Variants in PALM2AKAP2 observed in about 807,000 individuals in gnomAD.
The protein encoded by PALM2AKAP2 is PALM2 and AKAP2 fusion.
Under a neutral mutation model 71.5 loss-of-function variants are expected in PALM2AKAP2, and 37 were observed. The ratio of observed to expected loss-of-function variants is 0.52; its 90% CI spans 0.40 to 0.68. The LOEUF (loss-of-function observed/expected upper bound fraction) is 0.68. Among genes scored for constraint, PALM2AKAP2 ranks in the 30% least tolerant of loss-of-function variants. PALM2AKAP2 has a pLI of 0.00. For synonymous variants in PALM2AKAP2, 468 were observed against 478.8 expected (o/e 0.98, Z 0.29); for missense variants, 1,224 against 1,191.8 (o/e 1.03, Z -0.40).
chr9:109,870,033 G>T (rs1829563968), intron 2 of PALM2AKAP2, among the ~76,000 whole-genome samples: 1 of 152,148 alleles, frequency 6.6e-6, no homozygotes, highest in Admixed American at 6.5e-5. Flanking sequence ...GGTGGCAGTG[G>T]TTGTCTAGTA....
chr9:109,850,502 C>G (rs1077761), intron 1 of PALM2AKAP2, among the ~76,000 whole-genome samples: 59,382 of 151,790 alleles, frequency 0.39, 11,958 homozygotes, highest in Non-Finnish European at 0.43. Context: ...TAGTGTAATC[C>G]TAAGAGAAGG....
chr9:109,821,490 A>G (rs142580815), intron 1 of PALM2AKAP2, among the ~76,000 whole-genome samples: 1 of 152,218 alleles, frequency 6.6e-6, no homozygotes, highest in South Asian at 2.1e-4. Flanking sequence ...AGAATCCCTC[A>G]GAGTCCATGG....
intron 1 of PALM2AKAP2, among the ~76,000 whole-genome samples, chr9:110,118,776 A>C (rs1275114080): frequency 6.6e-6 from 1 of 152,200 alleles, no homozygotes; most frequent in Non-Finnish European, 1.5e-5. Flanking sequence ...TCCCTTCCCC[A>C]TTCCAGAGAA....
chr9:109,989,588 T>C (rs1391042436), intron 6 of PALM2AKAP2, among the ~76,000 whole-genome samples: 1 of 152,218 alleles, frequency 6.6e-6, no homozygotes, highest in African/African-American at 2.4e-5. Flanking sequence ...TATTTGTTAC[T>C]CCAAATAGGT....
intron 1 of PALM2AKAP2, among the ~76,000 whole-genome samples, chr9:110,074,773 C>G (rs996781761): frequency 6.6e-5 from 10 of 152,094 alleles, no homozygotes; most frequent in African/African-American, 2.2e-4. Context: ...GAGGCTGAGG[C>G]AGGTGGATCA....
intron 6 of PALM2AKAP2, among the ~76,000 whole-genome samples, chr9:109,984,553 A>G (rs936525766): frequency 5.9e-5 from 9 of 152,044 alleles, no homozygotes; most frequent in African/African-American, 1.7e-4. Flanking sequence ...ATAGATAAAT[A>G]AACAAAATTT....
intron 1 of PALM2AKAP2, among the ~76,000 whole-genome samples, chr9:110,089,702 C>T (rs749728386): frequency 9.2e-5 from 14 of 152,208 alleles, no homozygotes; most frequent in Non-Finnish European, 1.6e-4. Context: ...AGATGCTCAT[C>T]CCTTTTTGCA....
At chr9:109,964,561 T>C (rs375427020) in intron 6 of PALM2AKAP2, among the ~76,000 whole-genome samples, 263 of 152,322 alleles carry the variant, frequency 1.7e-3, no homozygotes, top group African/African-American at 6.1e-3. Context: ...GTGACTTTCT[T>C]GGTTTTTGCT....
intron 3 of PALM2AKAP2, among the ~76,000 whole-genome samples, chr9:109,917,962 G>A (rs1194962171): frequency 6.6e-6 from 1 of 152,202 alleles, no homozygotes; most frequent in African/African-American, 2.4e-5. Context: ...GATTCTGTTA[G>A]TTTGGAAGAG....
At chr9:110,010,513 A>G (rs1402972705) in intron 6 of PALM2AKAP2, among the ~76,000 whole-genome samples, 2 of 147,290 alleles carry the variant, frequency 1.4e-5, no homozygotes, top group Non-Finnish European at 3.0e-5. Context: ...AGCAATATAT[A>G]ATATAATTAT....
intron 1 of PALM2AKAP2, among the ~76,000 whole-genome samples, chr9:109,801,001 C>T (rs1346025424): frequency 6.6e-6 from 1 of 152,156 alleles, no homozygotes; most frequent in African/African-American, 2.4e-5. Context: ...AGCAGTAAAA[C>T]TTTCAATTAG....
In PALM2AKAP2 at chr9:110,053,615, G is replaced by A. The variant is rs181376672; in HGVS notation, c.156+4760G>A. 2.6e-4 allele frequency among the ~76,000 whole-genome samples: 40 copies of A among 152,138 alleles called. No homozygotes were observed. The East Asian group carries it at 7.1e-3, about 27-fold the overall frequency. ...GTAACGGGAATTTGTTCCCATCTTG[G>A]TGACAGTTTCAGAGTGCCCCGCATA... On this transcript the variant is annotated intron_variant, in intron 1 of 3. Transcript: ENST00000374525.
chr9:109,836,409 TAAAACCACAAAGATGGGGAA>T (rs1342369602), intron 1 of PALM2AKAP2, among the ~76,000 whole-genome samples: 3 of 152,094 alleles, frequency 2.0e-5, no homozygotes, highest in Admixed American at 1.3e-4. Flanking sequence ...CAGAGGTAGA[TAAAACCACAAAGATGGGGAA>T]AAAACAGAGC....
At chr9:109,680,987 A>T (rs7022696) in intron 1 of PALM2AKAP2, among the ~76,000 whole-genome samples, 1 of 152,000 alleles carries the variant, frequency 6.6e-6, no homozygotes, top group Non-Finnish European at 1.5e-5. Context: ...CAGAAGAAAA[A>T]GTAAGTATAA....
intron 7 of PALM2AKAP2, among the ~76,000 whole-genome samples, chr9:110,021,622 C>G (rs530049888): frequency 6.6e-6 from 1 of 152,064 alleles, no homozygotes; most frequent in South Asian, 2.1e-4. Flanking sequence ...TTGGGAGAAC[C>G]ACTAACTTTT....
chr9:110,100,754 T>G (rs944733838), intron 1 of PALM2AKAP2, among the ~76,000 whole-genome samples: 1 of 152,162 alleles, frequency 6.6e-6, no homozygotes, highest in African/African-American at 2.4e-5. Flanking sequence ...TCTGGATAAC[T>G]ACTACAATTC....
At chr9:109,942,724 C>T in intron 6 of PALM2AKAP2, 1 of 1,602,874 alleles carries the variant, frequency 6.2e-7, no homozygotes, top group South Asian at 1.1e-5. Context: ...GAAAGACAAA[C>T]AAACAGGAGA....
At chr9:109,995,900 A>G (rs1832567630) in intron 6 of PALM2AKAP2, among the ~76,000 whole-genome samples, 1 of 152,176 alleles carries the variant, frequency 6.6e-6, no homozygotes, top group African/African-American at 2.4e-5. Context: ...TGCCATGAGG[A>G]TGGAGAGGAA....
rs1018117618 is a variant in PALM2AKAP2 at position 109,718,978 on chromosome 9, A to G, written c.6-61510A>G. ...CGTACTTCTAGAGTTGAAACAGAGG[A>G]AAAAAATGCATTGTTCTGGCAAGGA... On this transcript the variant is annotated intron_variant, in intron 1 of 6. Transcript: ENST00000374531. 2.6e-5 allele frequency among the ~76,000 whole-genome samples: 4 copies of G among 152,184 alleles called. No individual in the cohort carries two copies. In the East Asian group the frequency reaches 7.7e-4, roughly 29 times the overall value.
Sources: gnomAD v4.1 joint callset for allele counts (sites outside exome capture counted in the v4.1 genomes callset) on GRCh38, gnomAD v4.1.1 for gene constraint, MANE v1.5 for transcripts, NCBI Gene and HGNC (gene_info 2026-07-23, HGNC 2026-07-21) for gene names.